DENND2A: variants seen among roughly 807,000 people sequenced by gnomAD.
DENND2A encodes the protein DENN domain containing 2A, also known as DENN domain-containing protein 2A.
Under a neutral mutation model 105.3 loss-of-function variants are expected in DENND2A, and 53 were observed. That is an observed-to-expected ratio of 0.50 (90% confidence interval 0.40 to 0.63). The LOEUF is 0.63. Among genes scored for constraint, DENND2A ranks in the 30% least tolerant of loss-of-function variants. DENND2A has a pLI of 0.00. For synonymous variants in DENND2A, 522 were observed against 508.4 expected, an observed-to-expected ratio of 1.03 and a Z score of -0.36; for missense variants, 1,138 against 1,279.6, an observed-to-expected ratio of 0.89 and a Z score of 1.69.
At chr7:140,567,025 AGTCCCAACAAG>A (rs201429061) in intron 9 of DENND2A, 50 bp downstream of exon 9, 1 of 1,439,540 alleles carries the variant, frequency 6.9e-7, no homozygotes. Context: ...TCAATTCATG[AGTCCCAACAAG>A]GTGATGGTTA....
At chr7:140,619,102 T>C (rs1210429510) in intron 1 of DENND2A, among the ~76,000 whole-genome samples, 6 of 152,084 alleles carry the variant, frequency 3.9e-5, no homozygotes, top group African/African-American at 1.4e-4. Context: ...CCGGCCTGAT[T>C]ATATATTTCT....
Position 140,523,386 on chromosome 7 carries a change from C to G in DENND2A, c.2586G>C (p.Gln862His). 1 of 1,614,198 alleles carries G rather than the reference C, an allele frequency of 6.2e-7. No individual in the cohort carries two copies. The highest frequency in any genetic ancestry group is 2.2e-5 in the East Asian group (1 of 44,872). ...DEDSILPRKL[Q>H]VALEHILEQR... ...GTTCCAGAATGTGTTCCAGGGCCAC[C>G]TGAAGCTTCCGGGGCAGGATGGAGT... The change falls in exon 17 of 20, where the codon CAG (glutamine) becomes CAC (histidine). Residue 862 changes from glutamine (Q) to histidine (H), a missense_variant. Physicochemically the swap from Gln to His is conservative, Grantham distance 24. Around this residue, in one of 2 missense-constraint regions of DENND2A, gnomAD observed 627 missense variants for 779.8 expected, o/e 0.80. Transcript: ENST00000496613. This position sits in a 1 kb window ranked among gnomAD's most constrained non-coding sequence, Gnocchi z 4.5.
At chr7:140,542,388 G>A (rs1434507396) in intron 14 of DENND2A, among the ~76,000 whole-genome samples, 1 of 152,056 alleles carries the variant, frequency 6.6e-6, no homozygotes, top group Non-Finnish European at 1.5e-5. Context: ...GTGATGGGAG[G>A]GGATTTGCTT....
In DENND2A at chr7:140,523,282, C is replaced by G; in HGVS notation, c.2665+25G>C. ...ACCCTCAGAGTGGAAGGGAGAGACC[C>G]ACTGGGAGGTGGCTGAACACTTACC... On this transcript the variant is annotated intron_variant, in intron 17 of 19. Coordinates refer to ENST00000496613, the MANE Select transcript of DENND2A (RefSeq NM_015689.5). This position sits in a 1 kb window ranked among gnomAD's most constrained non-coding sequence, Gnocchi z 4.5. The G allele has an allele frequency of 6.2e-7, 1 of 1,608,990 alleles. No homozygotes were observed. The highest frequency in any genetic ancestry group is 8.5e-7 in the Non-Finnish European group (1 of 1,175,352).
chr7:140,568,761 A>G lies in DENND2A; in HGVS notation c.1591+2T>C. 1 of 1,613,976 alleles carries G rather than the reference A, an allele frequency of 6.2e-7. No homozygotes were observed. Among genetic ancestry groups the G allele is most frequent in the African/African-American group, 1.3e-5 (1 of 74,984 alleles). ...GTCCTGCACAGTAGTGGCTCTCCTC[A>G]CCTTTCAGCTTCTCCTCTGTGTCAC... On this transcript the variant is annotated splice_donor_variant, in intron 8 of 19. Coordinates refer to ENST00000496613, the MANE Select transcript of DENND2A (RefSeq NM_015689.5). LOFTEE classifies it high-confidence loss of function.
intron 12 of DENND2A, among the ~76,000 whole-genome samples, chr7:140,553,380 A>G (rs1292178615): frequency 1.3e-5 from 2 of 152,184 alleles, no homozygotes; most frequent in African/African-American, 4.8e-5. Flanking sequence ...GTTTTTCCCT[A>G]TCTCAGTAGA....
chr7:140,591,154 G>A (rs957895860), intron 3 of DENND2A, among the ~76,000 whole-genome samples: 5 of 151,632 alleles, frequency 3.3e-5, no homozygotes, highest in Non-Finnish European at 7.4e-5. Flanking sequence ...AAAATTAACT[G>A]GGTGTGGTGG....
chr7:140,618,899 C>T (rs866977687), intron 1 of DENND2A, among the ~76,000 whole-genome samples: 4 of 151,978 alleles, frequency 2.6e-5, no homozygotes, highest in Non-Finnish European at 4.4e-5. Context: ...CCCGGGTTCA[C>T]GCCATTCTCC....
Position 140,640,604 on chromosome 7 carries a change from G to T in DENND2A, c.-348C>A. 6.7e-6 allele frequency: 1 copy of T among 149,010 alleles called. No homozygotes were observed. Among genetic ancestry groups the T allele is most frequent in the South Asian group, 1.9e-4 (1 of 5,362 alleles). 9.2% of individuals were successfully genotyped at this position (149,010 alleles called of 1,614,324 possible). ...CGCGGCTCGGGGGCGGGCGGCGGCG[G>T]GTGCCGGGGACGCCATGGCCCTCCG... On this transcript the variant is annotated 5_prime_UTR_variant, in exon 1 of 20. Transcript: ENST00000496613. The surrounding 1 kb of genome is among the most constrained non-coding windows in gnomAD (Gnocchi z 4.9).
intron 1 of DENND2A, among the ~76,000 whole-genome samples, chr7:140,611,054 A>T (rs973281331): frequency 1.3e-5 from 2 of 151,886 alleles, no homozygotes; most frequent in African/African-American, 4.8e-5. Context: ...TATTATTATT[A>T]TTATTTTTTG....
rs1220798544 is a variant in DENND2A at position 140,569,697 on chromosome 7, T to C, written c.1488A>G (p.Gly496=). 1 of 1,613,874 alleles carries C rather than the reference T, an allele frequency of 6.2e-7. No individual in the cohort carries two copies. The highest frequency in any genetic ancestry group is 8.5e-7 in the Non-Finnish European group (1 of 1,179,896). The change falls in exon 7 of 20, where the codon GGA becomes GGG. Residue 496 remains glycine (G), a synonymous_variant. Coordinates refer to ENST00000496613, the MANE Select transcript of DENND2A (RefSeq NM_015689.5). ...GGGACAGCCTCTTCACCCGTTTCTT[T>C]CCTCTCCGGACCTCATAAATGGCGT... The part of the protein sequence containing the change: ...RINAIYEVRR[G]KKRVKRLSQS...
At chr7:140,579,030 T>C (rs1798422467) in intron 5 of DENND2A, among the ~76,000 whole-genome samples, 1 of 152,158 alleles carries the variant, frequency 6.6e-6, no homozygotes, top group African/African-American at 2.4e-5. Flanking sequence ...GAGCGGTGGC[T>C]CATGCCTGTA....
At chr7:140,546,091 G>A (rs1796890139) in intron 13 of DENND2A, among the ~76,000 whole-genome samples, 1 of 152,142 alleles carries the variant, frequency 6.6e-6, no homozygotes, top group African/African-American at 2.4e-5. Context: ...GCCATGCAAA[G>A]GGGGTGGGAG....
At chr7:140,535,641 G>C (rs2130494591) in intron 14 of DENND2A, among the ~76,000 whole-genome samples, 1 of 151,890 alleles carries the variant, frequency 6.6e-6, no homozygotes, top group South Asian at 2.1e-4. Flanking sequence ...GAGTGCAATG[G>C]CGTCGTCTCA....
intron 6 of DENND2A, among the ~76,000 whole-genome samples, chr7:140,573,423 G>T (rs963250349): frequency 1.3e-5 from 2 of 152,236 alleles, no homozygotes; most frequent in African/African-American, 4.8e-5. Flanking sequence ...TGACAAGGCT[G>T]TCTCAGAGCA....
At chr7:140,614,909 G>C (rs1800027867) in intron 1 of DENND2A, among the ~76,000 whole-genome samples, 1 of 152,120 alleles carries the variant, frequency 6.6e-6, no homozygotes, top group Non-Finnish European at 1.5e-5. Flanking sequence ...CCAGGATGGA[G>C]TGCAGTGGTG....
At chr7:140,616,961 G>A (rs777712521) in intron 1 of DENND2A, among the ~76,000 whole-genome samples, 1 of 152,156 alleles carries the variant, frequency 6.6e-6, no homozygotes, top group Non-Finnish European at 1.5e-5. Flanking sequence ...GGGTTCAAGC[G>A]ATTCTTGTGC....
In DENND2A at chr7:140,602,342, C is replaced by A. The variant is rs1488942180; in HGVS notation, c.56G>T (p.Arg19Met). 3.8e-6 allele frequency: 6 copies of A among 1,595,578 alleles called. No individual in the cohort carries two copies. The East Asian group carries it at 6.7e-5, about 18-fold the overall frequency. The change falls in exon 3 of 20, where the codon AGG (arginine) becomes ATG (methionine). Residue 19 changes from arginine to methionine, a missense_variant. By Grantham distance (91) the Arg-to-Met change is moderately conservative. This residue lies in a region of DENND2A where 511 missense variants were observed against 499.9 expected (regional missense o/e 1.02). Coordinates refer to ENST00000496613, the MANE Select transcript of DENND2A (RefSeq NM_015689.5). Reference sequence around the variant, plus strand: ...ACCTCTGAGCTGCTTCTTCCCAGCCCTGCTGGCTTCTGCAGCTGGGTCACT... The same window carrying A: ...ACCTCTGAGCTGCTTCTTCCCAGCCATGCTGGCTTCTGCAGCTGGGTCACT... ...IISDPAAEASRAGKKQLRGVQ... is the reference protein window; with the variant it reads ...IISDPAAEASMAGKKQLRGVQ...
intron 5 of DENND2A, among the ~76,000 whole-genome samples, chr7:140,575,932 G>T (rs934456887): frequency 4.6e-5 from 7 of 150,642 alleles, no homozygotes; most frequent in Admixed American, 2.7e-4. Context: ...TCACACAACT[G>T]CACCCCCGCC....
Sources: allele counts gnomAD v4.1 joint callset (sites outside exome capture counted in the v4.1 genomes callset), GRCh38; gene constraint gnomAD v4.1.1; regional missense constraint gnomAD v4.1.1; non-coding constraint Gnocchi (gnomAD v3.1); transcripts MANE v1.5; gene names NCBI Gene and HGNC (gene_info 2026-07-23, HGNC 2026-07-21).